ABCA7: variants seen among roughly 807,000 people sequenced by gnomAD.
ABCA7 encodes phospholipid-transporting ATPase ABCA7.
A neutral mutation model predicts 227.6 loss-of-function variants in ABCA7; 261 were observed. The ratio of observed to expected loss-of-function variants is 1.15; its 90% CI spans 1.04 to 1.27. The LOEUF (loss-of-function observed/expected upper bound fraction) is 1.27. Ranked by LOEUF, ABCA7 falls within the 50% of genes most tolerant of loss-of-function variation. The pLI, the probability that ABCA7 is intolerant of heterozygous loss-of-function variation, is 0.00. For synonymous variants in ABCA7, 1,488 were observed against 1,279.7 expected (o/e 1.16, Z -3.47); for missense variants, 3,331 against 2,924.5 (o/e 1.14, Z -3.21).
chr19:1,058,122 C>T (rs1283041010), intron 36 of ABCA7, 24 bp from the exon 37 acceptor site: 1 of 1,613,984 alleles, frequency 6.2e-7, no homozygotes, highest in Non-Finnish European at 8.5e-7. Context: ...CCCTGACCAA[C>T]ATCCGTCTCC....
At chr19:1,064,619 G>T (rs1290066952) in intron 45 of ABCA7, 14 of 513,156 alleles carry the variant, frequency 2.7e-5, no homozygotes, top group Admixed American at 1.1e-4. Flanking sequence ...GTGGGCGGGG[G>T]TAGAGTGCAA....
At chr19:1,052,150 C>T (rs2041702607) in intron 22 of ABCA7, 24 bp downstream of exon 22, 1 of 1,610,668 alleles carries the variant, frequency 6.2e-7, no homozygotes, top group East Asian at 2.2e-5. Context: ...TTCTCCTGAC[C>T]CCTGACCCCC....
Position 1,047,137 on chromosome 19 carries a change from G to A in ABCA7, c.1846-20G>A, listed in dbSNP as rs757223835. 4 of 1,588,826 alleles carry A rather than the reference G, an allele frequency of 2.5e-6. No individual in the cohort carries two copies. The highest frequency in any genetic ancestry group is 2.3e-5 in the South Asian group (2 of 88,098). On this transcript the variant is annotated intron_variant, in intron 14 of 46. Coordinates refer to ENST00000263094, the MANE Select transcript of ABCA7 (RefSeq NM_019112.4). The stretch of plus-strand genomic sequence containing the variant: ...GGCCAATCCAGGAGCTGCACCCTAA[G>A]CTCCCGTTGCCTCTCACAGCTGGGA...
Position 1,051,949 on chromosome 19 carries a change from G to T in ABCA7, c.2970G>T (p.Thr990=). 6.2e-7 allele frequency: 1 copy of T among 1,611,394 alleles called. No homozygotes were observed. The highest frequency in any genetic ancestry group is 8.5e-7 in the Non-Finnish European group (1 of 1,179,816). ...TTGGTCCCCCGTGCCTAGGTCGCAC[G>T]CTGATCCTCTCCACCCACCACCTGG... is the stretch of plus-strand genomic sequence containing the variant. The part of the protein sequence containing the change: ...ELLLKYREGR[T]LILSTHHLDE... Residue 990 remains threonine (T), a synonymous_variant, in exon 22 of 47, where the codon ACG becomes ACT. Coordinates refer to ENST00000263094, the MANE Select transcript of ABCA7 (RefSeq NM_019112.4).
rs375389773 is a variant in ABCA7, at chr19:1,063,547, G to T, written c.5716G>T (p.Ala1906Ser). Residue 1906 changes from alanine (A) to serine (S), a missense_variant, in exon 43 of 47, where the codon GCT (alanine) becomes TCT (serine). Transcript: ENST00000263094. ...CTACTCTGGCCCCACCCCACAGACC[G>T]CTGGCTCGGGCCTGGCGCGTCTGGG... is the stretch of plus-strand genomic sequence containing the variant. ...GVPEAQVAQT[A>S]GSGLARLGLS... is the part of the protein sequence containing the mutation. The T allele has an allele frequency of 1.2e-6, 2 of 1,610,192 alleles. No homozygotes were observed. Among genetic ancestry groups the T allele is most frequent in the Non-Finnish European group, 8.5e-7 (1 of 1,179,826 alleles).
Position 1,056,960 on chromosome 19 carries a change from C to A in ABCA7, c.4640C>A (p.Ser1547Tyr). The change falls in exon 34 of 47, where the codon TCC becomes TAC. Residue 1547 changes from serine to tyrosine, a missense_variant. Ser to Tyr is a moderately radical substitution (Grantham distance 144, BLOSUM62 -2). Transcript: ENST00000263094. This position sits in a 1 kb window ranked among gnomAD's most constrained non-coding sequence, Gnocchi z 4.3. ...LVSICVVFAM[S>Y]FVPASFTLVL... ...TCCATCTGTGTGGTCTTTGCCATGT[C>A]CTTTGTCCCGGCCAGCTTCACTCTT... 6.2e-7 allele frequency: 1 copy of A among 1,614,100 alleles called. No individual in the cohort carries two copies. The highest frequency in any genetic ancestry group is 8.5e-7 in the Non-Finnish European group (1 of 1,180,024).
chr19:1,058,716 C>T lies in ABCA7; in HGVS notation c.5248C>T (p.Leu1750=), dbSNP rs761432169. Residue 1750 remains leucine, a synonymous_variant, in exon 38 of 47, where the codon CTG becomes TTG. Coordinates refer to ENST00000263094, the MANE Select transcript of ABCA7 (RefSeq NM_019112.4). ...QGPLFLLFTL[L]LQHRSQLLPQ... The stretch of plus-strand genomic sequence containing the variant: ...GCCCCTCTTCCTTCTCTTCACACTA[C>T]TGCTGCAGCACCGAAGCCAACTCCT... The T allele has an allele frequency of 6.8e-6, 11 of 1,614,006 alleles. No individual in the cohort carries two copies. Among genetic ancestry groups the T allele is most frequent in the Non-Finnish European group, 9.3e-6 (11 of 1,180,006 alleles).
In ABCA7 at chr19:1,049,445, C is replaced by T. The variant is rs527484641; in HGVS notation, c.2552+8C>T. ...CGGCAAGACCACCACCCTGTGAGCC[C>T]CCAACCACTCCCTCCCCGTGAGCCC... is the stretch of plus-strand genomic sequence containing the variant. On this transcript the variant is annotated splice_region_variant and intron_variant, in intron 18 of 46. Transcript: ENST00000263094. 1 of 1,580,532 alleles carries T rather than the reference C, an allele frequency of 6.3e-7. No homozygotes were observed. The highest frequency in any genetic ancestry group is 2.3e-5 in the East Asian group (1 of 43,908).
In ABCA7 at chr19:1,047,282, G is replaced by T; in HGVS notation, c.1971G>T (p.Ala657=). 3 of 1,604,934 alleles carry T rather than the reference G, an allele frequency of 1.9e-6. No individual in the cohort carries two copies. The highest frequency in any genetic ancestry group is 2.5e-6 in the Non-Finnish European group (3 of 1,178,894). The change falls in exon 15 of 47, where the codon GCG becomes GCT. Residue 657 remains alanine, a synonymous_variant. Coordinates refer to ENST00000263094, the MANE Select transcript of ABCA7 (RefSeq NM_019112.4). ...SAFFSRANLA[A]ACGGLAYFSL... ...TCTTCTCCCGCGCCAACCTGGCTGCGGCCTGCGGCGGCCTGGCCTACTTCT... is the reference window on the plus strand; with the variant it reads ...TCTTCTCCCGCGCCAACCTGGCTGCTGCCTGCGGCGGCCTGGCCTACTTCT...
At position 1,055,248 on chromosome 19, in the gene ABCA7, C is replaced by G. The variant is rs1212705645; in HGVS notation, c.4102C>G (p.Pro1368Ala). The stretch of plus-strand genomic sequence containing the variant: ...CCCGGCTGCAGCTGGTGGTCCCCCT[C>G]CGCCCCAGGCAGTGACCGGCTCTGG... ...DCPAAAGGPPPPQAVTGSGEV... is the reference protein window; with the variant it reads ...DCPAAAGGPPAPQAVTGSGEV... The change falls in exon 30 of 47, where the codon CCG (proline) becomes GCG (alanine). Residue 1368 changes from proline to alanine, a missense_variant. Pro to Ala is a conservative substitution (Grantham distance 27). Transcript: ENST00000263094. The G allele has an allele frequency of 1.2e-6, 2 of 1,603,492 alleles. No individual in the cohort carries two copies. The highest frequency in any genetic ancestry group is 1.7e-6 in the Non-Finnish European group (2 of 1,175,658).
chr19:1,060,611 C>T (rs1469841506), intron 40 of ABCA7, among the ~76,000 whole-genome samples: 2 of 151,798 alleles, frequency 1.3e-5, no homozygotes, highest in African/African-American at 4.8e-5. Flanking sequence ...CCTCTGCCTC[C>T]CAGGTTCAGG....
intron 18 of ABCA7, 96 bp from the exon 19 acceptor site, chr19:1,050,825 T>TAAATAAA: frequency 1.3e-6 from 1 of 743,160 alleles, no homozygotes; most frequent in Non-Finnish European, 1.8e-6. Flanking sequence ...TAATAAATAA[T>TAAATAAA]TAAAAATTTT....
At chr19:1,056,000 C>T in intron 31 of ABCA7, 61 bp downstream of exon 31, 1 of 1,547,994 alleles carries the variant, frequency 6.5e-7, no homozygotes, top group Non-Finnish European at 8.7e-7. Context: ...CCTCTGCCTG[C>T]CCCCTGGGAG....
intron 16 of ABCA7, 77 bp downstream of exon 16, chr19:1,047,731 G>C: frequency 7.0e-7 from 1 of 1,435,342 alleles, no homozygotes; most frequent in Non-Finnish European, 9.2e-7. Flanking sequence ...GTGGCCTCCA[G>C]GCCGTTTGGG....
Position 1,051,934 on chromosome 19 carries a change from G to A in ABCA7, c.2963-8G>A, listed in dbSNP as rs56709116. 0.01 allele frequency: 16,233 copies of A among 1,609,992 alleles called. 1,327 individuals carry two copies. In the African/African-American group the frequency reaches 0.19, roughly 18 times the overall value. On this transcript the variant is annotated splice_region_variant and splice_polypyrimidine_tract_variant and intron_variant, in intron 21 of 46. Coordinates refer to ENST00000263094, the MANE Select transcript of ABCA7 (RefSeq NM_019112.4). ...GATGGTAGTTGTGGGTTGGTCCCCCGTGCCTAGGTCGCACGCTGATCCTCT... is the reference window on the plus strand; with the variant it reads ...GATGGTAGTTGTGGGTTGGTCCCCCATGCCTAGGTCGCACGCTGATCCTCT...
At chr19:1,048,128 G>T (rs2040902195) in intron 16 of ABCA7, among the ~76,000 whole-genome samples, 1 of 151,088 alleles carries the variant, frequency 6.6e-6, no homozygotes, top group Admixed American at 6.6e-5. Flanking sequence ...AGCCCAGGAG[G>T]TTGAGGCTGC....
Position 1,057,405 on chromosome 19 carries a change from T to G in ABCA7, c.4856T>G (p.Leu1619Arg). 1 of 1,613,944 alleles carries G rather than the reference T, an allele frequency of 6.2e-7. No individual in the cohort carries two copies. The change falls in exon 35 of 47, where the codon CTC becomes CGC. Residue 1619 changes from leucine (L) to arginine (R), a missense_variant. Coordinates refer to ENST00000263094, the MANE Select transcript of ABCA7 (RefSeq NM_019112.4). Reference sequence around the variant, plus strand: ...GTGGCCCCTGCCAACCTGCCTGCTCTCCTGCTGTTGCTACTACTGTATGGG... The same window carrying G: ...GTGGCCCCTGCCAACCTGCCTGCTCGCCTGCTGTTGCTACTACTGTATGGG... ...AYVAPANLPA[L>R]LLLLLLYGWS...
chr19:1,064,311 C>A, intron 45 of ABCA7, 58 bp downstream of exon 45: 1 of 1,487,734 alleles, frequency 6.7e-7, no homozygotes, highest in South Asian at 1.3e-5. Flanking sequence ...TAGGTAGGCT[C>A]AGGGGAGAGG....
intron 42 of ABCA7, among the ~76,000 whole-genome samples, chr19:1,062,768 C>G (rs2042746516): frequency 6.7e-6 from 1 of 149,626 alleles, no homozygotes; most frequent in South Asian, 2.1e-4. Context: ...CACCCTCACA[C>G]TGTCCCACCC....
Sources: gnomAD v4.1 joint callset for allele counts (sites outside exome capture counted in the v4.1 genomes callset) on GRCh38, gnomAD v4.1.1 for gene constraint, Gnocchi (gnomAD v3.1) non-coding constraint, MANE v1.5 for transcripts, NCBI Gene and HGNC (gene_info 2026-07-23, HGNC 2026-07-21) for gene names.